The following XKR9 variants were observed in gnomAD, a reference collection of about 807,000 sequenced individuals.
The protein encoded by XKR9 is XK related 9.
Under a neutral mutation model 32.0 loss-of-function variants are expected in XKR9, and 32 were observed. The ratio of observed to expected loss-of-function variants is 1.00; its 90% CI spans 0.76 to 1.34. XKR9 has a LOEUF of 1.34. Among genes scored for constraint, XKR9 ranks in the 40% most tolerant of loss-of-function variants. The pLI, the probability that XKR9 is intolerant of heterozygous loss-of-function variation, is 0.00. For missense variants in XKR9, 546 were observed against 429.7 expected, an observed-to-expected ratio of 1.27 and a Z score of -2.39; for synonymous variants, 168 against 143.4, an observed-to-expected ratio of 1.17 and a Z score of -1.22.
chr8:70,982,408 T>C, the XKR9 span, among the ~76,000 whole-genome samples: 1 of 152,118 alleles, frequency 6.6e-6, no homozygotes, highest in Non-Finnish European at 1.5e-5. Context: ...AGTGGAGTTA[T>C]ATTCCTAGGA....
the XKR9 span, among the ~76,000 whole-genome samples, chr8:70,870,930 G>A: frequency 2.0e-5 from 3 of 152,172 alleles, no homozygotes; most frequent in East Asian, 3.8e-4. Flanking sequence ...GCATTAAGAA[G>A]TGTATAATTT....
chr8:70,958,611 T>G, the XKR9 span, among the ~76,000 whole-genome samples: 1 of 152,360 alleles, frequency 6.6e-6, no homozygotes, highest in Admixed American at 6.5e-5. Flanking sequence ...GTCAAATGGA[T>G]TAATTGCAAA....
the XKR9 span, among the ~76,000 whole-genome samples, chr8:70,925,215 G>A: frequency 2.0e-5 from 3 of 152,010 alleles, no homozygotes; most frequent in East Asian, 1.9e-4. Flanking sequence ...TATCTCCTAC[G>A]ACTAGACTAT....
intron 3 of XKR9, among the ~76,000 whole-genome samples, chr8:70,699,238 T>G (rs555310196): frequency 1.5e-4 from 23 of 152,068 alleles, no homozygotes; most frequent in East Asian, 7.7e-4. Flanking sequence ...ATGTTAGCTG[T>G]TTATTTTGCT....
chr8:70,949,616 G>A, the XKR9 span, among the ~76,000 whole-genome samples: 8 of 152,026 alleles, frequency 5.3e-5, no homozygotes, highest in South Asian at 2.1e-4. Flanking sequence ...GTTGGGTGGC[G>A]AGGTTTGATC....
At chr8:70,987,128 C>T in the XKR9 span, among the ~76,000 whole-genome samples, 1 of 152,146 alleles carries the variant, frequency 6.6e-6, no homozygotes, top group African/African-American at 2.4e-5. Context: ...GAGTATAATT[C>T]AAGATAAGAT....
At chr8:70,913,263 G>A in the XKR9 span, among the ~76,000 whole-genome samples, 1 of 152,064 alleles carries the variant, frequency 6.6e-6, no homozygotes, top group African/African-American at 2.4e-5. Flanking sequence ...AAATGCAATA[G>A]CTTTTTAAAT....
the XKR9 span, among the ~76,000 whole-genome samples, chr8:71,050,234 GAGATAT>G: frequency 9.4e-5 from 9 of 95,986 alleles, no homozygotes; most frequent in Admixed American, 3.2e-4. Context: ...ATGCCTGGCA[GAGATAT>G]ATATATATAT....
At chr8:70,972,284 G>A in the XKR9 span, among the ~76,000 whole-genome samples, 1 of 152,248 alleles carries the variant, frequency 6.6e-6, no homozygotes, top group South Asian at 2.1e-4. Flanking sequence ...TTGGTGTATA[G>A]CAGAGCTACT....
At chr8:70,900,310 G>A in the XKR9 span, among the ~76,000 whole-genome samples, 1 of 152,154 alleles carries the variant, frequency 6.6e-6, no homozygotes, top group South Asian at 2.1e-4. Context: ...GGAACTCCAC[G>A]CTGGGTGCAG....
the XKR9 span, among the ~76,000 whole-genome samples, chr8:70,987,221 T>C: frequency 1.6e-3 from 247 of 152,284 alleles, 1 homozygote; most frequent in African/African-American, 5.8e-3. Flanking sequence ...AAACCAATCA[T>C]GCCTTCCCAA....
At chr8:70,917,878 G>T in the XKR9 span, among the ~76,000 whole-genome samples, 2 of 152,036 alleles carry the variant, frequency 1.3e-5, no homozygotes, top group African/African-American at 2.4e-5. Context: ...GAATAATATT[G>T]GTATCTACCT....
intron 2 of XKR9, among the ~76,000 whole-genome samples, chr8:70,770,560 A>T (rs1397713527): frequency 1.3e-5 from 2 of 152,052 alleles, no homozygotes; most frequent in Non-Finnish European, 2.9e-5. Flanking sequence ...TGGGACTTTT[A>T]TCTGTAAGCC....
At chr8:70,751,749 C>T (rs568670020) in intron 2 of XKR9, among the ~76,000 whole-genome samples, 2 of 152,284 alleles carry the variant, frequency 1.3e-5, no homozygotes, top group Admixed American at 6.5e-5. Context: ...AAAACCTCCA[C>T]ACCTGCTCTG....
chr8:70,701,910 C>A (rs145661735), intron 3 of XKR9, among the ~76,000 whole-genome samples: 2 of 152,006 alleles, frequency 1.3e-5, no homozygotes. Flanking sequence ...CTCTCTCTGC[C>A]AAAGGAGAGT....
the XKR9 span, among the ~76,000 whole-genome samples, chr8:70,911,573 C>T: frequency 3.8e-4 from 58 of 152,284 alleles, no homozygotes; most frequent in African/African-American, 1.3e-3. Context: ...GCACTTATCA[C>T]GTGTCAAGAT....
intron 2 of XKR9, among the ~76,000 whole-genome samples, chr8:70,775,309 A>G (rs1390792778): frequency 5.9e-5 from 9 of 151,986 alleles, no homozygotes; most frequent in Non-Finnish European, 2.9e-5. Flanking sequence ...TATGATTTTT[A>G]TTTCTTTTCT....
At chr8:70,708,685 C>T (rs910514165) in intron 4 of XKR9, among the ~76,000 whole-genome samples, 2 of 152,046 alleles carry the variant, frequency 1.3e-5, no homozygotes, top group Non-Finnish European at 2.9e-5. Context: ...GTGTCTGCTT[C>T]TGGGTGGAGG....
the XKR9 span, among the ~76,000 whole-genome samples, chr8:70,980,402 C>G: frequency 7.9e-5 from 12 of 152,224 alleles, no homozygotes; most frequent in Non-Finnish European, 1.6e-4. Context: ...GGAACCACCT[C>G]TCCCTACTGT....
Sources: gnomAD v4.1 joint callset for allele counts (sites outside exome capture counted in the v4.1 genomes callset) on GRCh38, gnomAD v4.1.1 for gene constraint, MANE v1.5 for transcripts, NCBI Gene and HGNC (gene_info 2026-07-23, HGNC 2026-07-21) for gene names.